ACSS2: variants seen among roughly 807,000 people sequenced by gnomAD.
ACSS2 encodes acetyl-coenzyme A synthetase, cytoplasmic.
A neutral mutation model predicts 90.6 loss-of-function variants in ACSS2; 58 were observed. The observed-to-expected ratio is 0.64, with a 90% CI of 0.52 to 0.80. The LOEUF is 0.80. ACSS2 is among the 30% of genes least tolerant of loss of function. The probability of loss-of-function intolerance (pLI) is 0.00; values close to 1 mark genes in which losing one functional copy is unlikely to be tolerated. For missense variants in ACSS2, 759 were observed against 912.0 expected (o/e 0.83, Z 2.16); for synonymous variants, 300 against 330.9 (o/e 0.91, Z 1.01).
intron 16 of ACSS2, among the ~76,000 whole-genome samples, chr20:34,926,673 T>C (rs561464762): frequency 6.6e-6 from 1 of 152,184 alleles, no homozygotes; most frequent in Admixed American, 6.5e-5. Context: ...AGCAGGCTCA[T>C]TCTACAGCCT....
rs562416225 is a variant in ACSS2 at position 34,911,478 on chromosome 20, G to A, written c.375-1618G>A. The stretch of plus-strand genomic sequence containing the variant: ...GCTGGGATTACAGGTATGAGCCACC[G>A]TGCCCAGCCGGATCCAGCTCAATGT... On this transcript the variant is annotated intron_variant, in intron 2 of 17. Coordinates refer to ENST00000360596, the MANE Select transcript of ACSS2 (RefSeq NM_018677.4). Among the ~76,000 whole-genome samples, 12 of 151,816 alleles carry A rather than the reference G, an allele frequency of 7.9e-5. No homozygotes were observed. In the South Asian group the frequency reaches 1.9e-3, roughly 24 times the overall value.
intron 3 of ACSS2, 98 bp downstream of exon 3, chr20:34,913,285 G>A (rs2081004043): frequency 6.4e-6 from 10 of 1,553,206 alleles, no homozygotes; most frequent in Non-Finnish European, 8.9e-6. Flanking sequence ...AAAGAATTTG[G>A]TAACAGAGGA....
chr20:34,909,227 A>T (rs546675772), intron 2 of ACSS2, among the ~76,000 whole-genome samples: 1 of 149,666 alleles, frequency 6.7e-6, no homozygotes, highest in African/African-American at 2.5e-5. Context: ...AGGTAGCCAG[A>T]CATGGTGACT....
In ACSS2 at chr20:34,886,660, G is replaced by A. The variant is rs575058441; in HGVS notation, c.374+3671G>A. On this transcript the variant is annotated intron_variant, in intron 2 of 17. Transcript: ENST00000360596. ...AAAGTAATAATAATAATTGCTTACC[G>A]TTTTTCTTTTTGTACTATTTAAGCC... Among the ~76,000 whole-genome samples, 14 of 152,032 alleles carry A rather than the reference G, an allele frequency of 9.2e-5. 1 individual carries two copies. Among genetic ancestry groups the A allele is most frequent in the Admixed American group, 2.0e-4 (3 of 15,228 alleles).
chr20:34,878,651 T>C (rs1158602555), intron 1 of ACSS2, among the ~76,000 whole-genome samples: 1 of 152,204 alleles, frequency 6.6e-6, no homozygotes, highest in Non-Finnish European at 1.5e-5. Context: ...CTAATAGCAA[T>C]GCTATTCCTC....
At chr20:34,879,287 C>G (rs1195185530) in intron 1 of ACSS2, among the ~76,000 whole-genome samples, 1 of 152,076 alleles carries the variant, frequency 6.6e-6, no homozygotes, top group African/African-American at 2.4e-5. Flanking sequence ...TACCACTCCC[C>G]TCATTCTAGA....
intron 2 of ACSS2, among the ~76,000 whole-genome samples, chr20:34,888,018 C>T (rs1485838536): frequency 4.6e-5 from 6 of 129,122 alleles, no homozygotes; most frequent in South Asian, 2.4e-4. Flanking sequence ...TGCAGTGAGC[C>T]GAGATCAAGC....
At chr20:34,899,973 A>G (rs1601323690) in intron 2 of ACSS2, among the ~76,000 whole-genome samples, 2 of 152,130 alleles carry the variant, frequency 1.3e-5, no homozygotes, top group East Asian at 3.9e-4. Flanking sequence ...TATTTAACCT[A>G]TTGAGGAACT....
chr20:34,903,067 G>A (rs2080708948), intron 2 of ACSS2, among the ~76,000 whole-genome samples: 1 of 151,852 alleles, frequency 6.6e-6, no homozygotes, highest in Admixed American at 6.6e-5. Flanking sequence ...CTGTGGCCGG[G>A]TGCAGTGGCT....
intron 2 of ACSS2, among the ~76,000 whole-genome samples, chr20:34,912,115 G>A (rs145195365): frequency 2.6e-5 from 4 of 152,204 alleles, no homozygotes; most frequent in East Asian, 1.9e-4. Flanking sequence ...ACCACGCCCC[G>A]CCCATTGGTG....
At chr20:34,892,570 T>A (rs2080360151) in intron 2 of ACSS2, among the ~76,000 whole-genome samples, 2 of 152,174 alleles carry the variant, frequency 1.3e-5, no homozygotes, top group Non-Finnish European at 2.9e-5. Flanking sequence ...TTACCTCACC[T>A]CTTTAAACCT....
At chr20:34,902,837 C>A (rs891680552) in intron 2 of ACSS2, among the ~76,000 whole-genome samples, 1 of 151,852 alleles carries the variant, frequency 6.6e-6, no homozygotes, top group African/African-American at 2.4e-5. Context: ...GTGATCCTCC[C>A]ACCTCAGCCT....
chr20:34,887,846 G>A (rs549095246), intron 2 of ACSS2, among the ~76,000 whole-genome samples: 71 of 152,116 alleles, frequency 4.7e-4, no homozygotes, highest in African/African-American at 1.7e-3. Flanking sequence ...TGAGGCGGGC[G>A]GATCACCTTA....
intron 1 of ACSS2, 125 bp from the exon 2 acceptor site, chr20:34,882,669 G>A: frequency 2.5e-6 from 2 of 797,924 alleles, no homozygotes; most frequent in Non-Finnish European, 4.0e-6. Flanking sequence ...GTAAAGAAGG[G>A]ACCCAGGTGG....
chr20:34,882,689 G>A (rs888044565), intron 1 of ACSS2, 105 bp from the exon 2 acceptor site: 3 of 1,070,730 alleles, frequency 2.8e-6, no homozygotes, highest in Non-Finnish European at 1.4e-6. Flanking sequence ...GTGGGTCCTA[G>A]GGCAAGGAAG....
At chr20:34,907,287 T>C (rs1390728127) in intron 2 of ACSS2, among the ~76,000 whole-genome samples, 1 of 151,974 alleles carries the variant, frequency 6.6e-6, no homozygotes, top group Non-Finnish European at 1.5e-5. Flanking sequence ...CCGGCTAATT[T>C]TTGTCTTTTT....
chr20:34,926,499 C>G (rs2081321300), intron 16 of ACSS2, among the ~76,000 whole-genome samples: 1 of 152,186 alleles, frequency 6.6e-6, no homozygotes, highest in African/African-American at 2.4e-5. Flanking sequence ...TGTGCCACCG[C>G]TAGGCTAAGT....
chr20:34,893,687 A>C (rs1477791212), intron 2 of ACSS2: 2 of 151,870 alleles, frequency 1.3e-5, no homozygotes, highest in Non-Finnish European at 2.9e-5. Context: ...GTGCCTGGCC[A>C]GCTTGGAATT....
chr20:34,909,194 CAAAAAAAAAAA>C (rs759144830), intron 2 of ACSS2, among the ~76,000 whole-genome samples: 6 of 45,106 alleles, frequency 1.3e-4, no homozygotes, highest in Non-Finnish European at 2.7e-4. Flanking sequence ...CCTGTCTTTG[CAAAAAAAAAAA>C]AAAAAAAAAA....
Sources: gnomAD v4.1 joint callset for allele counts (sites outside exome capture counted in the v4.1 genomes callset) on GRCh38, gnomAD v4.1.1 for gene constraint, MANE v1.5 for transcripts, NCBI Gene and HGNC (gene_info 2026-07-23, HGNC 2026-07-21) for gene names.